Variants in LRRC9 observed in about 807,000 individuals in gnomAD.
LRRC9 encodes the protein leucine rich repeat containing 9.
In LRRC9, 122 loss-of-function variants were observed where a neutral mutation model predicts 63.2. That is an observed-to-expected ratio of 1.93 (90% CI 1.67 to 2.24). The LOEUF is 2.24. Ranked by LOEUF, LRRC9 falls within the 30% of genes most tolerant of loss-of-function variation. LRRC9 has a pLI of 0.00. For synonymous variants in LRRC9, 366 were observed against 213.1 expected (o/e 1.72, Z -6.25); for missense variants, 1,071 against 627.7 (o/e 1.71, Z -7.55).
chr14:60,039,815 G>A lies in LRRC9; in HGVS notation c.3990+7752G>A, dbSNP rs141019697. On this transcript the variant is annotated intron_variant, in intron 29 of 31. Coordinates refer to ENST00000445360, the Ensembl canonical transcript of LRRC9. ...TCTTGCCTTCTGCTAGCTTTTGAAC[G>A]TGTTTGCTCTTGCTTCTCTCGTTCT... Among the ~76,000 whole-genome samples the A allele has an allele frequency of 2.5e-3, 378 of 152,030 alleles. 2 individuals are homozygous for A. The highest frequency in any genetic ancestry group is 8.8e-3 in the African/African-American group (364 of 41,452).
chr14:60,026,326 A>G (rs1040491043), intron 27 of LRRC9, among the ~76,000 whole-genome samples: 12 of 152,172 alleles, frequency 7.9e-5, no homozygotes, highest in African/African-American at 2.6e-4. Flanking sequence ...GGGTGAGATG[A>G]TATCTCATTT....
chr14:59,997,902 C>T lies in LRRC9; in HGVS notation c.2403+55C>T, dbSNP rs550708219. 12 of 616,406 alleles carry T rather than the reference C, an allele frequency of 1.9e-5. No individual in the cohort carries two copies. The African/African-American group carries it at 2.2e-4, about 11-fold the overall frequency. 38.2% of individuals were successfully genotyped at this position (616,406 alleles called of 1,614,324 possible). A position where few individuals can be genotyped will look rare whatever the true frequency, so the allele number is the denominator to read the frequency against. On this transcript the variant is annotated intron_variant, in intron 18 of 31. Coordinates refer to ENST00000445360, the Ensembl canonical transcript of LRRC9. ...AACATTTTTATTTTCAGAGCCATTT[C>T]CCTACTAACTTTACTATTTAGTAAT...
chr14:59,977,160 G>A (rs1205037030), intron 13 of LRRC9, 65 bp from the exon 14 acceptor site: 1 of 624,252 alleles, frequency 1.6e-6, no homozygotes, highest in African/African-American at 1.8e-5. Flanking sequence ...CAATAAAGAA[G>A]GTTATGTTGG....
At chr14:59,965,473 T>G (rs563854967) in intron 10 of LRRC9, among the ~76,000 whole-genome samples, 27 of 152,276 alleles carry the variant, frequency 1.8e-4, no homozygotes, top group Non-Finnish European at 2.6e-4. Flanking sequence ...AGGAAGTTAT[T>G]TCAGTAGTCC....
intron 4 of LRRC9, 120 bp from the exon 5 acceptor site, chr14:59,931,499 G>C (rs1889698908): frequency 1.9e-6 from 1 of 521,162 alleles, no homozygotes; most frequent in African/African-American, 2.0e-5. Context: ...TTCTGTGCTT[G>C]TGGAGTACAA....
chr14:60,005,053 T>C (rs1889702613), intron 21 of LRRC9, among the ~76,000 whole-genome samples: 1 of 152,144 alleles, frequency 6.6e-6, no homozygotes, highest in Admixed American at 6.5e-5. Context: ...ATCATGTGTA[T>C]ATACTGCATT....
At chr14:60,048,700 T>C (rs1830291264) in intron 29 of LRRC9, among the ~76,000 whole-genome samples, 1 of 151,940 alleles carries the variant, frequency 6.6e-6, no homozygotes, top group African/African-American at 2.4e-5. Context: ...ACAGCTTAAT[T>C]CCAGAGGTAC....
chr14:60,028,653 C>T (rs915166370), intron 28 of LRRC9, among the ~76,000 whole-genome samples: 4 of 152,120 alleles, frequency 2.6e-5, no homozygotes, highest in Non-Finnish European at 5.9e-5. Context: ...AGATAGCATA[C>T]AGATAAGAGT....
At chr14:60,052,397 A>T (rs940454632) in intron 29 of LRRC9, among the ~76,000 whole-genome samples, 11 of 152,212 alleles carry the variant, frequency 7.2e-5, no homozygotes, top group Non-Finnish European at 1.5e-4. Flanking sequence ...TCAGCATTCA[A>T]TGATTTTTTT....
At chr14:59,957,709 A>T (rs561416596) in intron 8 of LRRC9, among the ~76,000 whole-genome samples, 4 of 152,146 alleles carry the variant, frequency 2.6e-5, no homozygotes, top group African/African-American at 7.2e-5. Flanking sequence ...GAGAAGAGGC[A>T]TTCTGGTTTT....
intron 12 of LRRC9, among the ~76,000 whole-genome samples, chr14:59,968,802 C>T (rs775290079): frequency 6.6e-6 from 1 of 152,192 alleles, no homozygotes; most frequent in Non-Finnish European, 1.5e-5. Context: ...TTCTGCATCT[C>T]CTAAAAGAGA....
At chr14:59,956,461 C>T (rs1236745919) in intron 8 of LRRC9, among the ~76,000 whole-genome samples, 2 of 151,996 alleles carry the variant, frequency 1.3e-5, no homozygotes, top group African/African-American at 2.4e-5. Flanking sequence ...ATTGCAAATC[C>T]TGCTTCTTTT....
Position 59,966,830 on chromosome 14 carries a change from T to C in LRRC9, c.1388+65T>C. ...TGTGACTGTATTTGTAAAATTTCTA[T>C]TTTAAAAGTTTACAGCATTAAAAAT... is the stretch of plus-strand genomic sequence containing the variant. On this transcript the variant is annotated intron_variant, in intron 11 of 31. Transcript: ENST00000445360. This position sits in a 1 kb window ranked among gnomAD's most constrained non-coding sequence, Gnocchi z 4.0. 1 of 551,838 alleles carries C rather than the reference T, an allele frequency of 1.8e-6. No individual in the cohort carries two copies. Among genetic ancestry groups the C allele is most frequent in the Non-Finnish European group, 3.2e-6 (1 of 308,624 alleles). 34.2% of individuals were successfully genotyped at this position (551,838 alleles called of 1,614,324 possible).
intron 12 of LRRC9, among the ~76,000 whole-genome samples, 168 bp from the exon 13 acceptor site, chr14:59,974,408 G>T (rs1170518840): frequency 6.6e-6 from 1 of 152,034 alleles, no homozygotes; most frequent in Admixed American, 6.6e-5. Flanking sequence ...TAAATAAATG[G>T]TTTTGCCAAA....
Position 59,958,030 on chromosome 14 carries a change from C to G in LRRC9, c.883-1788C>G, listed in dbSNP as rs1225504696. The stretch of plus-strand genomic sequence containing the variant: ...ATCCTGAAGGAGCACTGGCCTGATG[C>G]CAACCAGAGCTCTCCTGTATGAGGT... On this transcript the variant is annotated intron_variant, in intron 8 of 31. Transcript: ENST00000445360. This position sits in a 1 kb window ranked among gnomAD's most constrained non-coding sequence, Gnocchi z 4.0. 6.6e-6 allele frequency among the ~76,000 whole-genome samples: 1 copy of G among 152,200 alleles called. No individual in the cohort carries two copies. The highest frequency in any genetic ancestry group is 2.4e-5 in the African/African-American group (1 of 41,448).
intron 20 of LRRC9, among the ~76,000 whole-genome samples, 171 bp downstream of exon 20, chr14:60,002,271 C>T (rs905226154): frequency 3.3e-5 from 5 of 152,192 alleles, no homozygotes; most frequent in African/African-American, 1.2e-4. Context: ...TGGCAAATTT[C>T]AAGTATACAA....
At chr14:59,982,477 T>C (rs1428241980) in intron 16 of LRRC9, among the ~76,000 whole-genome samples, 1 of 152,130 alleles carries the variant, frequency 6.6e-6, no homozygotes, top group Non-Finnish European at 1.5e-5. Flanking sequence ...GGTGAGGGCC[T>C]TGCAGTGTCA....
chr14:60,003,400 G>A lies in LRRC9; in HGVS notation c.2665-221G>A, dbSNP rs185660790. ...TACTGTAATGGGACTCTAGCACATC[G>A]CAGTGTCCTTAATACCATATAAGTC... On this transcript the variant is annotated intron_variant, in intron 20 of 31. Transcript: ENST00000445360. This position sits in a 1 kb window ranked among gnomAD's most constrained non-coding sequence, Gnocchi z 4.2. 2.0e-5 allele frequency among the ~76,000 whole-genome samples: 3 copies of A among 152,310 alleles called. No individual in the cohort carries two copies. Among genetic ancestry groups the A allele is most frequent in the Non-Finnish European group, 4.4e-5 (3 of 68,016 alleles).
intron 29 of LRRC9, among the ~76,000 whole-genome samples, chr14:60,037,641 G>A (rs1462713498): frequency 7.2e-5 from 11 of 152,020 alleles, no homozygotes; most frequent in Non-Finnish European, 1.5e-4. Context: ...AATTTGTTTA[G>A]GTTCTTTGTA....
Sources: allele counts gnomAD v4.1 joint callset (sites outside exome capture counted in the v4.1 genomes callset), GRCh38; gene constraint gnomAD v4.1.1; non-coding constraint Gnocchi (gnomAD v3.1); transcripts MANE v1.5; gene names NCBI Gene and HGNC (gene_info 2026-07-23, HGNC 2026-07-21).